EP400: variants seen among roughly 807,000 people sequenced by gnomAD.
EP400 encodes the protein E1A binding protein p400.
In EP400, 105 loss-of-function variants were observed where a neutral mutation model predicts 354.1. That is an observed-to-expected ratio of 0.30 (90% CI 0.25 to 0.35). The LOEUF (loss-of-function observed/expected upper bound fraction) is 0.35. EP400 is among the 10% of genes least tolerant of loss of function. The pLI is 1.00. For synonymous variants in EP400, 1,646 were observed against 1,716.9 expected, an observed-to-expected ratio of 0.96 and a Z score of 1.02; for missense variants, 3,280 against 4,121.0, an observed-to-expected ratio of 0.80 and a Z score of 5.59.
chr12:131,985,192 G>C (rs374640065), intron 5 of EP400, among the ~76,000 whole-genome samples: 2 of 152,220 alleles, frequency 1.3e-5, no homozygotes, highest in South Asian at 2.1e-4. Context: ...TACAAAGTCT[G>C]TAGGAACCTG....
chr12:132,053,050 C>G, intron 41 of EP400, 96 bp from the exon 42 acceptor site: 1 of 1,354,450 alleles, frequency 7.4e-7, no homozygotes, highest in Non-Finnish European at 1.1e-6. Context: ...GCTGGAGCTG[C>G]CCCAGCACCT....
intron 12 of EP400, among the ~76,000 whole-genome samples, chr12:131,996,746 G>C (rs1296944161): frequency 6.6e-6 from 1 of 152,268 alleles, no homozygotes; most frequent in African/African-American, 2.4e-5. Context: ...TTGCACTTTT[G>C]TGATAACTGA....
intron 1 of EP400, among the ~76,000 whole-genome samples, chr12:131,959,651 A>G (rs962566878): frequency 2.0e-5 from 3 of 151,914 alleles, no homozygotes; most frequent in East Asian, 1.9e-4. Flanking sequence ...CAGAAAGGCA[A>G]CTCACCCCAG....
intron 14 of EP400, 84 bp downstream of exon 14, chr12:132,006,386 C>G (rs2136524199): frequency 6.8e-7 from 1 of 1,465,220 alleles, no homozygotes; most frequent in East Asian, 2.3e-5. Context: ...TTTTCCTCTT[C>G]CCAGTGAAAT....
chr12:132,055,687 G>A lies in EP400; in HGVS notation c.7884+479G>A, dbSNP rs118101068. On this transcript the variant is annotated intron_variant, in intron 45 of 52. Transcript: ENST00000389561. ...GTATGTGTGTGAGGTGTAGGGGGGC[G>A]TGTGTGAAGTGTAGGGGTGTGTGTG... 5.2e-3 allele frequency among the ~76,000 whole-genome samples: 755 copies of A among 146,210 alleles called. 18 individuals are homozygous for A. In the South Asian group the frequency reaches 0.068, roughly 13 times the overall value.
intron 30 of EP400, among the ~76,000 whole-genome samples, chr12:132,032,547 C>G (rs1261169851): frequency 6.6e-6 from 1 of 151,148 alleles, no homozygotes; most frequent in African/African-American, 2.4e-5. Context: ...TAATTATGAA[C>G]TATAAATTAT....
Position 132,038,176 on chromosome 12 carries a change from G to A in EP400, c.6207+80G>A, listed in dbSNP as rs1565924906. ...CCTGCACCCTCCCCCAGGGTTCTGGGTGCTCAGTCCCCACTCTTCCCTGGC... is the reference window on the plus strand; with the variant it reads ...CCTGCACCCTCCCCCAGGGTTCTGGATGCTCAGTCCCCACTCTTCCCTGGC... On this transcript the variant is annotated intron_variant, in intron 32 of 52. Transcript: ENST00000389561. This position sits in a 1 kb window ranked among gnomAD's most constrained non-coding sequence, Gnocchi z 4.2. The A allele has an allele frequency of 1.3e-6, 2 of 1,574,806 alleles. No homozygotes were observed. Among genetic ancestry groups the A allele is most frequent in the East Asian group, 2.2e-5 (1 of 44,654 alleles).
chr12:132,053,549 A>T lies in EP400; in HGVS notation c.7680A>T (p.Pro2560=). The change falls in exon 43 of 53, where the codon CCA becomes CCT. Residue 2560 remains proline (P), a synonymous_variant. Coordinates refer to ENST00000389561, the MANE Select transcript of EP400 (RefSeq NM_015409.5). ...CCCAGCCACAGCCTGTGCAGGCCCC[A>T]GCGAAGGCGCAGCCCGCAATCACGA... The part of the protein sequence containing the change: ...PQTQPQPVQA[P]AKAQPAITTG... 1 of 1,559,084 alleles carries T rather than the reference A, an allele frequency of 6.4e-7. No homozygotes were observed. Among genetic ancestry groups the T allele is most frequent in the African/African-American group, 1.4e-5 (1 of 73,916 alleles).
At chr12:132,008,629 A>G (rs1393342112) in intron 15 of EP400, among the ~76,000 whole-genome samples, 2 of 150,874 alleles carry the variant, frequency 1.3e-5, no homozygotes, top group Non-Finnish European at 3.0e-5. Context: ...CACCCAGGCC[A>G]GAGTGCACTG....
chr12:131,985,044 T>C (rs1464683841), intron 5 of EP400, among the ~76,000 whole-genome samples: 1 of 152,094 alleles, frequency 6.6e-6, no homozygotes, highest in Non-Finnish European at 1.5e-5. Flanking sequence ...TTAGTAGAGA[T>C]GGGCTTTTGC....
intron 19 of EP400, among the ~76,000 whole-genome samples, chr12:132,015,312 T>C (rs949982664): frequency 6.6e-6 from 1 of 152,216 alleles, no homozygotes; most frequent in African/African-American, 2.4e-5. Context: ...AAACTTTGTA[T>C]GTGTGGACAG....
rs779566309 is a variant in EP400, at chr12:132,018,380, C to T, written c.4277+4C>T. The T allele has an allele frequency of 1.0e-5, 16 of 1,598,330 alleles. No homozygotes were observed. The highest frequency in any genetic ancestry group is 1.7e-4 in the Middle Eastern group (1 of 5,942). ...CAGCAAAGCTGAAGGCCAGCAGGTG[C>T]GTGCGACCCAGAGGCAGCGGGGAGG... is the stretch of plus-strand genomic sequence containing the variant. On this transcript the variant is annotated splice_donor_region_variant and intron_variant, in intron 21 of 52. Transcript: ENST00000389561. The surrounding 1 kb of genome is among the most constrained non-coding windows in gnomAD (Gnocchi z 4.0).
intron 23 of EP400, among the ~76,000 whole-genome samples, chr12:132,022,118 C>T (rs1894141274): frequency 1.3e-5 from 2 of 152,136 alleles, no homozygotes; most frequent in African/African-American, 4.8e-5. Context: ...TCTCTCTCTC[C>T]CATTGCCCAA....
In EP400 at chr12:131,986,629, C is replaced by T. The variant is rs773491008; in HGVS notation, c.2045C>T (p.Pro682Leu). 1.2e-6 allele frequency: 2 copies of T among 1,614,110 alleles called. No individual in the cohort carries two copies. The highest frequency in any genetic ancestry group is 2.2e-5 in the South Asian group (2 of 91,082). ...AGTGGCTCCGGCCCAGGACCCTCCC[C>T]TGCTCGATCCTCTCCAGTAAATAGA... is the stretch of plus-strand genomic sequence containing the variant. ...PVSGSGPGPS[P>L]ARSSPVNRPS... The change falls in exon 6 of 53, where the codon CCT (proline) becomes CTT (leucine). Residue 682 changes from proline (P) to leucine (L), a missense_variant. By Grantham distance (98) the Pro-to-Leu change is moderately conservative. This residue lies in a region of EP400 where 800 missense variants were observed against 840.0 expected (regional missense o/e 0.95). Coordinates refer to ENST00000389561, the MANE Select transcript of EP400 (RefSeq NM_015409.5).
At chr12:132,076,376 G>C in intron 51 of EP400, 140 bp from the exon 52 acceptor site, 1 of 817,406 alleles carries the variant, frequency 1.2e-6, no homozygotes, top group Non-Finnish European at 2.1e-6. Context: ...CTGCAGGTGG[G>C]CACACTACGA....
At chr12:131,999,979 C>CT (rs879423130) in intron 12 of EP400, among the ~76,000 whole-genome samples, 115 of 120,036 alleles carry the variant, frequency 9.6e-4, no homozygotes, top group Admixed American at 2.2e-3. Context: ...TTGTCAGATT[C>CT]TTTTTTTTTT....
intron 45 of EP400, 52 bp downstream of exon 45, chr12:132,055,260 T>C (rs1565930750): frequency 7.3e-7 from 1 of 1,376,392 alleles, no homozygotes; most frequent in South Asian, 1.3e-5. Context: ...CTGCCGAAAT[T>C]ATTTGCTTGT....
Position 131,990,252 on chromosome 12 carries a change from G to A in EP400, c.2550+148G>A, listed in dbSNP as rs372959673. The A allele has an allele frequency of 4.1e-6, 4 of 964,738 alleles. No individual in the cohort carries two copies. Among genetic ancestry groups the A allele is most frequent in the Middle Eastern group, 3.4e-4 (1 of 2,932 alleles). 59.8% of individuals were successfully genotyped at this position (964,738 alleles called of 1,614,324 possible). ...TGTGCACTCTCCTGGGCTGTTGCTT[G>A]TTGGCCTTTGAATGAGCTGCTCGTG... is the stretch of plus-strand genomic sequence containing the variant. On this transcript the variant is annotated intron_variant, in intron 8 of 52. Coordinates refer to ENST00000389561, the MANE Select transcript of EP400 (RefSeq NM_015409.5). This position sits in a 1 kb window ranked among gnomAD's most constrained non-coding sequence, Gnocchi z 4.2.
rs768200003 is a variant in EP400 at position 132,064,757 on chromosome 12, A to G, written c.8424A>G (p.Thr2808=). The change falls in exon 48 of 53, where the codon ACA becomes ACG. Residue 2808 remains threonine (T), a synonymous_variant. Transcript: ENST00000389561. ...CCCAGTCTGCGCCCCCGCAGCCAAC[A>G]GCCCAAGTGCAAGTGCAGACCTCGC... The part of the protein sequence containing the change: ...PQAQSAPPQP[T]AQVQVQTSQP... 1.9e-6 allele frequency: 3 copies of G among 1,613,782 alleles called. No individual in the cohort carries two copies. Among genetic ancestry groups the G allele is most frequent in the Non-Finnish European group, 2.5e-6 (3 of 1,179,944 alleles).
Sources: gnomAD v4.1 joint callset for allele counts (sites outside exome capture counted in the v4.1 genomes callset) on GRCh38, gnomAD v4.1.1 for gene constraint, gnomAD v4.1.1 regional missense constraint, Gnocchi (gnomAD v3.1) non-coding constraint, MANE v1.5 for transcripts, NCBI Gene and HGNC (gene_info 2026-07-23, HGNC 2026-07-21) for gene names.